RTN4RL1: variants seen among roughly 807,000 people sequenced by gnomAD.
RTN4RL1 encodes reticulon 4 receptor like 1, also known as reticulon-4 receptor-like 1.
In RTN4RL1, 7 loss-of-function variants were observed where a neutral mutation model predicts 25.6. That is an observed-to-expected ratio of 0.27 (90% CI 0.16 to 0.51). The LOEUF is 0.51. RTN4RL1 is among the 20% of genes least tolerant of loss of function. RTN4RL1 has a pLI of 0.97. For synonymous variants in RTN4RL1, 297 were observed against 288.2 expected, an observed-to-expected ratio of 1.03 and a Z score of -0.31; for missense variants, 500 against 615.6, an observed-to-expected ratio of 0.81 and a Z score of 1.99.
rs1011492567 is a variant in RTN4RL1, at chr17:1,937,534, G to A, written c.288C>T (p.Phe96=). 2 of 1,613,998 alleles carry A rather than the reference G, an allele frequency of 1.2e-6. No homozygotes were observed. Among genetic ancestry groups the A allele is most frequent in the Non-Finnish European group, 1.7e-6 (2 of 1,179,878 alleles). The change falls in exon 2 of 2, where the codon TTC becomes TTT. Residue 96 remains phenylalanine (F), a synonymous_variant. Transcript: ENST00000331238. ...NNITYIHPST[F]EGFVHLEELD... ...GCTCCTCCAGGTGCACGAAGCCCTC[G>A]AAGGTGCTGGGGTGGATGTAGGTGA...
intron 1 of RTN4RL1, among the ~76,000 whole-genome samples, chr17:1,939,903 T>C (rs1356399888): frequency 1.3e-5 from 2 of 152,182 alleles, no homozygotes; most frequent in African/African-American, 4.8e-5. Flanking sequence ...TGCTTCTAGC[T>C]TTCCAGCCAG....
At chr17:1,960,618 G>A (rs1401352016) in intron 1 of RTN4RL1, among the ~76,000 whole-genome samples, 3 of 152,114 alleles carry the variant, frequency 2.0e-5, no homozygotes, top group Admixed American at 6.5e-5. Context: ...TCACTGGCAC[G>A]CAGCATATTC....
At chr17:1,995,151 C>G (rs1045326485) in intron 1 of RTN4RL1, among the ~76,000 whole-genome samples, 2 of 152,168 alleles carry the variant, frequency 1.3e-5, no homozygotes, top group African/African-American at 4.8e-5. Flanking sequence ...TGCAGGGGCT[C>G]ACACCTGTAA....
chr17:1,971,678 T>G (rs955254597), intron 1 of RTN4RL1, among the ~76,000 whole-genome samples: 2 of 150,992 alleles, frequency 1.3e-5, no homozygotes, highest in Non-Finnish European at 3.0e-5. Context: ...AAAAAAAAAT[T>G]TAGGCCAGGC....
intron 1 of RTN4RL1, chr17:2,020,143 C>G (rs1405577505): frequency 6.6e-6 from 1 of 152,118 alleles, no homozygotes; most frequent in African/African-American, 2.4e-5. Flanking sequence ...GGCTACATGC[C>G]TTGACTGGGA....
intron 1 of RTN4RL1, among the ~76,000 whole-genome samples, chr17:1,947,259 CAT>C (rs1017013648): frequency 1.3e-5 from 2 of 152,168 alleles, no homozygotes; most frequent in Non-Finnish European, 2.9e-5. Flanking sequence ...CCTGTGTTTA[CAT>C]GTGTGTGCAC....
chr17:2,004,145 G>A (rs946821174), intron 1 of RTN4RL1, among the ~76,000 whole-genome samples: 1 of 151,762 alleles, frequency 6.6e-6, no homozygotes, highest in Non-Finnish European at 1.5e-5. Flanking sequence ...GAGGCGGGTG[G>A]ATCACGAGGT....
At chr17:2,010,255 A>G (rs1333575205) in intron 1 of RTN4RL1, among the ~76,000 whole-genome samples, 10 of 68,366 alleles carry the variant, frequency 1.5e-4, no homozygotes, top group South Asian at 5.9e-4. Flanking sequence ...CCAGGAGTTC[A>G]AGACCAGCCT....
At chr17:1,961,773 C>CAAAAAAAAAAAAAAAAAAAAAAA (rs1163170575) in intron 1 of RTN4RL1, among the ~76,000 whole-genome samples, 3 of 55,578 alleles carry the variant, frequency 5.4e-5, no homozygotes, top group African/African-American at 6.9e-5. Context: ...ACTAAAAATA[C>CAAAAAAAAAAAAAAAAAAAAAAA]AAAAAAAAAA....
At chr17:1,991,969 G>A (rs186470580) in intron 1 of RTN4RL1, among the ~76,000 whole-genome samples, 19 of 152,248 alleles carry the variant, frequency 1.2e-4, no homozygotes, top group East Asian at 3.9e-4. Context: ...GAGGAGAGAC[G>A]TGTACTGAGC....
intron 1 of RTN4RL1, among the ~76,000 whole-genome samples, chr17:2,021,303 C>CT (rs1262352438): frequency 6.6e-6 from 1 of 152,174 alleles, no homozygotes; most frequent in African/African-American, 2.4e-5. Flanking sequence ...CTTCATACCA[C>CT]TGCACCCCTC....
intron 1 of RTN4RL1, among the ~76,000 whole-genome samples, chr17:1,958,527 A>G (rs1315151609): frequency 6.6e-6 from 1 of 152,230 alleles, no homozygotes; most frequent in Admixed American, 6.5e-5. Context: ...TCTGTGTAAT[A>G]CCATCATCGG....
rs1221379294 is a variant in RTN4RL1, at chr17:1,998,792, G to C, written c.13+26061C>G. On this transcript the variant is annotated intron_variant, in intron 1 of 1. Transcript: ENST00000331238. This position sits in a 1 kb window ranked among gnomAD's most constrained non-coding sequence, Gnocchi z 4.9. ...CGGGGACCCCGGGGTGGGGGTGGGG[G>C]TGGGGCTCTGCGAGGGCCCTAAAAA... is the stretch of plus-strand genomic sequence containing the variant. Among the ~76,000 whole-genome samples the C allele has an allele frequency of 6.6e-6, 1 of 151,498 alleles. No homozygotes were observed. The highest frequency in any genetic ancestry group is 1.5e-5 in the Non-Finnish European group (1 of 67,774).
chr17:1,973,282 TG>T (rs1416018098), intron 1 of RTN4RL1, among the ~76,000 whole-genome samples: 1 of 150,748 alleles, frequency 6.6e-6, no homozygotes, highest in African/African-American at 2.4e-5. Context: ...GGAGAATCAC[TG>T]GAAACCTGGG....
intron 1 of RTN4RL1, among the ~76,000 whole-genome samples, chr17:2,007,478 G>T (rs2067007179): frequency 2.0e-5 from 3 of 152,104 alleles, no homozygotes; most frequent in African/African-American, 7.2e-5. Flanking sequence ...CCTTCACCCA[G>T]CCAGCTCCCT....
At chr17:1,986,622 A>G (rs569087441) in intron 1 of RTN4RL1, among the ~76,000 whole-genome samples, 1 of 152,078 alleles carries the variant, frequency 6.6e-6, no homozygotes, top group East Asian at 1.9e-4. Context: ...CGGCCCCCAG[A>G]AGCTGGAAGA....
intron 1 of RTN4RL1, among the ~76,000 whole-genome samples, chr17:2,016,926 C>A (rs1303037216): frequency 6.6e-6 from 1 of 152,214 alleles, no homozygotes; most frequent in Non-Finnish European, 1.5e-5. Context: ...AAGGCAAAAC[C>A]TTCTAAAAGG....
At chr17:1,953,983 A>G (rs529802643) in intron 1 of RTN4RL1, among the ~76,000 whole-genome samples, 1 of 152,378 alleles carries the variant, frequency 6.6e-6, no homozygotes, top group Admixed American at 6.5e-5. Context: ...TCAACCATGA[A>G]GGGACCAGCC....
chr17:1,940,510 C>T (rs1915418084), intron 1 of RTN4RL1, among the ~76,000 whole-genome samples: 2 of 152,282 alleles, frequency 1.3e-5, no homozygotes, highest in Admixed American at 1.3e-4. Context: ...GATCTGGCTT[C>T]CAGCCCCTGC....
Sources: allele counts gnomAD v4.1 joint callset (sites outside exome capture counted in the v4.1 genomes callset), GRCh38; gene constraint gnomAD v4.1.1; non-coding constraint Gnocchi (gnomAD v3.1); transcripts MANE v1.5; gene names NCBI Gene and HGNC (gene_info 2026-07-23, HGNC 2026-07-21).